THSD7B: variants seen among roughly 807,000 people sequenced by gnomAD.
The protein encoded by THSD7B is thrombospondin type 1 domain containing 7B.
THSD7B carries 138 observed loss-of-function variants against 213.6 expected under a neutral mutation model. That is an observed-to-expected ratio of 0.65 (90% CI 0.56 to 0.74). The LOEUF is 0.74. Among genes scored for constraint, THSD7B ranks in the 30% least tolerant of loss-of-function variants. The pLI is 0.00. For missense variants in THSD7B, 1,931 were observed against 1,991.5 expected, an observed-to-expected ratio of 0.97 and a Z score of 0.58; for synonymous variants, 742 against 687.0, an observed-to-expected ratio of 1.08 and a Z score of -1.25.
At chr2:137,101,713 T>C (rs572687064) in intron 4 of THSD7B, among the ~76,000 whole-genome samples, 2 of 152,086 alleles carry the variant, frequency 1.3e-5, no homozygotes, top group African/African-American at 4.8e-5. Flanking sequence ...GGGAGGGGTG[T>C]CCGCCATTAC....
chr2:136,778,943 C>T lies in THSD7B; in HGVS notation c.-36+13256C>T, dbSNP rs1421154796. 2.0e-5 allele frequency among the ~76,000 whole-genome samples: 3 copies of T among 152,118 alleles called. No individual in the cohort carries two copies. In the East Asian group the frequency reaches 5.8e-4, roughly 29 times the overall value. Reference sequence around the variant, plus strand: ...TCTGTAGAAAAAGAATGCATCAGCTCATTTTTAAAAGAGACTCAGGCCATC... The same window carrying T: ...TCTGTAGAAAAAGAATGCATCAGCTTATTTTTAAAAGAGACTCAGGCCATC... On this transcript the variant is annotated intron_variant, in intron 1 of 27. Coordinates refer to ENST00000409968, the MANE Select transcript of THSD7B (RefSeq NM_001316349.2).
At position 137,467,295 on chromosome 2, in the gene THSD7B, C is replaced by T. The variant is rs559705534; in HGVS notation, c.3138+16272C>T. Among the ~76,000 whole-genome samples, 97 of 152,304 alleles carry T rather than the reference C, an allele frequency of 6.4e-4. 1 individual carries two copies. Among genetic ancestry groups the T allele is most frequent in the African/African-American group, 2.3e-3 (94 of 41,580 alleles). On this transcript the variant is annotated intron_variant, in intron 15 of 27. Coordinates refer to ENST00000409968, the MANE Select transcript of THSD7B (RefSeq NM_001316349.2). ...CTCTGTGGGGTGGTGACAGCAATGTCTCAGTCACACCTGGAATACATTTGT... is the reference window on the plus strand; with the variant it reads ...CTCTGTGGGGTGGTGACAGCAATGTTTCAGTCACACCTGGAATACATTTGT...
intron 12 of THSD7B, among the ~76,000 whole-genome samples, chr2:137,402,558 T>C (rs1009999499): frequency 3.3e-4 from 50 of 152,228 alleles, no homozygotes; most frequent in African/African-American, 1.2e-3. Flanking sequence ...GGCTCACACC[T>C]GTAATCCCAG....
chr2:137,551,204 G>A (rs1186396123), intron 15 of THSD7B, among the ~76,000 whole-genome samples: 1 of 151,942 alleles, frequency 6.6e-6, no homozygotes, highest in African/African-American at 2.4e-5. Context: ...TGTGTTTTTA[G>A]GGCATAGCCT....
chr2:137,125,645 T>C (rs949067010), intron 5 of THSD7B, among the ~76,000 whole-genome samples: 1 of 152,236 alleles, frequency 6.6e-6, no homozygotes, highest in African/African-American at 2.4e-5. Context: ...CCTCCTCCCA[T>C]GGATCACAAA....
At chr2:136,836,863 C>T (rs1243612614) in intron 1 of THSD7B, among the ~76,000 whole-genome samples, 1 of 152,116 alleles carries the variant, frequency 6.6e-6, no homozygotes, top group African/African-American at 2.4e-5. Context: ...TGCTCACACC[C>T]CTCCATGATC....
At chr2:136,934,620 C>G (rs757217157) in intron 2 of THSD7B, among the ~76,000 whole-genome samples, 7 of 152,002 alleles carry the variant, frequency 4.6e-5, no homozygotes, top group Non-Finnish European at 7.4e-5. Flanking sequence ...TGAAGATAGA[C>G]AACTATCATA....
intron 12 of THSD7B, among the ~76,000 whole-genome samples, chr2:137,398,772 G>A (rs1362171543): frequency 1.3e-5 from 2 of 152,204 alleles, no homozygotes; most frequent in Non-Finnish European, 1.5e-5. Flanking sequence ...CCTCGCTGCT[G>A]CCTTGCAGTT....
chr2:137,490,944 G>A (rs994473465), intron 15 of THSD7B, among the ~76,000 whole-genome samples: 10 of 152,268 alleles, frequency 6.6e-5, no homozygotes, highest in Admixed American at 3.3e-4. Flanking sequence ...ATGGTTTTTC[G>A]AAACCTTCGT....
intron 3 of THSD7B, among the ~76,000 whole-genome samples, chr2:137,072,325 C>T (rs999376497): frequency 3.9e-5 from 6 of 152,128 alleles, no homozygotes; most frequent in Non-Finnish European, 7.3e-5. Flanking sequence ...TCCTTCACAT[C>T]CCTTGTAAGT....
chr2:137,459,160 TA>T (rs778573137), intron 15 of THSD7B, among the ~76,000 whole-genome samples: 12 of 150,476 alleles, frequency 8.0e-5, no homozygotes, highest in South Asian at 2.1e-4. Context: ...CAGTATCTTT[TA>T]AAAAAAAAAT....
chr2:137,204,455 AG>A (rs1558957419), intron 7 of THSD7B, among the ~76,000 whole-genome samples: 1 of 152,088 alleles, frequency 6.6e-6, no homozygotes, highest in Non-Finnish European at 1.5e-5. Context: ...GTTATTTTGC[AG>A]GTCACTTTAT....
chr2:136,894,533 G>T (rs769160232), intron 2 of THSD7B, among the ~76,000 whole-genome samples: 2 of 152,094 alleles, frequency 1.3e-5, no homozygotes, highest in Admixed American at 6.6e-5. Context: ...ATAAAACCTA[G>T]TTGATATTCT....
intron 15 of THSD7B, among the ~76,000 whole-genome samples, chr2:137,556,051 C>G (rs1378362134): frequency 6.6e-6 from 1 of 151,992 alleles, no homozygotes; most frequent in Non-Finnish European, 1.5e-5. Context: ...GTGAAAAGAC[C>G]AAATCTACGT....
At chr2:137,147,848 T>C (rs1012996307) in intron 5 of THSD7B, among the ~76,000 whole-genome samples, 1 of 152,198 alleles carries the variant, frequency 6.6e-6, no homozygotes, top group Non-Finnish European at 1.5e-5. Flanking sequence ...GACATTCGTA[T>C]CTCAACCATG....
chr2:137,038,874 C>A (rs1686826065), intron 2 of THSD7B, among the ~76,000 whole-genome samples: 1 of 152,150 alleles, frequency 6.6e-6, no homozygotes, highest in South Asian at 2.1e-4. Context: ...TGCTGAGAGT[C>A]ACCCACCTAG....
chr2:137,314,770 G>A (rs1043224169), intron 12 of THSD7B, among the ~76,000 whole-genome samples: 4 of 152,176 alleles, frequency 2.6e-5, no homozygotes, highest in Non-Finnish European at 5.9e-5. Context: ...TCGGCCTTGT[G>A]AGGTGTCAGT....
At position 137,232,986 on chromosome 2, in the gene THSD7B, C is replaced by T. The variant is rs763816132; in HGVS notation, c.2003C>T (p.Ser668Leu). The T allele has an allele frequency of 9.3e-6, 15 of 1,613,956 alleles. No individual in the cohort carries two copies. The highest frequency in any genetic ancestry group is 3.3e-5 in the Admixed American group (2 of 60,020). ...HSCMQLHWET[S>L]PWGPCSEDTL... Reference sequence around the variant, plus strand: ...TGTATGCAGCTTCACTGGGAGACATCGCCTTGGGGCCCTTGTTCTGAGGAC... The same window carrying T: ...TGTATGCAGCTTCACTGGGAGACATTGCCTTGGGGCCCTTGTTCTGAGGAC... The change falls in exon 9 of 28, where the codon TCG becomes TTG. Residue 668 changes from serine to leucine, a missense_variant. Coordinates refer to ENST00000409968, the MANE Select transcript of THSD7B (RefSeq NM_001316349.2).
intron 12 of THSD7B, among the ~76,000 whole-genome samples, chr2:137,398,583 C>G (rs1686261573): frequency 6.6e-6 from 1 of 151,772 alleles, no homozygotes; most frequent in Admixed American, 6.6e-5. Flanking sequence ...CAGACAGGGA[C>G]ATTTAAGTCT....
Sources: gnomAD v4.1 joint callset for allele counts (sites outside exome capture counted in the v4.1 genomes callset) on GRCh38, gnomAD v4.1.1 for gene constraint, MANE v1.5 for transcripts, NCBI Gene and HGNC (gene_info 2026-07-23, HGNC 2026-07-21) for gene names.